RAD23B: variants seen among roughly 807,000 people sequenced by gnomAD.
The protein encoded by RAD23B is RAD23 nucleotide excision repair protein B, also known as lysine-specific demethylase RAD23B.
Under a neutral mutation model 49.1 loss-of-function variants are expected in RAD23B, and 5 were observed. The observed-to-expected ratio is 0.10, with a 90% CI of 0.05 to 0.21. The LOEUF (loss-of-function observed/expected upper bound fraction) is 0.21. Among genes scored for constraint, RAD23B ranks in the 10% least tolerant of loss-of-function variants. RAD23B has a pLI of 1.00. For synonymous variants in RAD23B, 184 were observed against 165.4 expected, an observed-to-expected ratio of 1.11 and a Z score of -0.86; for missense variants, 356 against 486.7, an observed-to-expected ratio of 0.73 and a Z score of 2.53.
chr9:107,328,095 A>G (rs564763223), intron 9 of RAD23B, among the ~76,000 whole-genome samples: 1 of 152,282 alleles, frequency 6.6e-6, no homozygotes, highest in African/African-American at 2.4e-5. Context: ...TGTGTTTTGT[A>G]GAAGCAGGCA....
At chr9:107,311,127 A>G (rs1826879838) in intron 4 of RAD23B, among the ~76,000 whole-genome samples, 1 of 152,078 alleles carries the variant, frequency 6.6e-6, no homozygotes, top group Admixed American at 6.5e-5. Flanking sequence ...CTTTAAACTG[A>G]TTTTCATTAC....
rs1001421878 is a variant in RAD23B at position 107,301,958 on chromosome 9, G to A, written c.149-77G>A. The A allele has an allele frequency of 2.2e-5, 33 of 1,527,620 alleles. 1 individual carries two copies. The highest frequency in any genetic ancestry group is 1.4e-4 in the African/African-American group (10 of 71,102). The allele number at this position is 1,527,620 out of a possible 1,614,324, so 94.6% of individuals were successfully genotyped here. A position where few individuals can be genotyped will look rare whatever the true frequency, so the allele number is the denominator to read the frequency against. On this transcript the variant is annotated intron_variant, in intron 2 of 9. Transcript: ENST00000358015. ...AATATTTCTGAAATATTCATATTTC[G>A]AGTAGAAAGTTGTTTTAACTGAAGT...
chr9:107,322,414 C>G (rs1827128464), intron 7 of RAD23B, among the ~76,000 whole-genome samples: 1 of 152,192 alleles, frequency 6.6e-6, no homozygotes, highest in African/African-American at 2.4e-5. Flanking sequence ...CTTTCTGATG[C>G]CATTCAGAAT....
In RAD23B at chr9:107,317,095, C is replaced by CGT. The variant is rs10603112; in HGVS notation, c.554-1632_554-1631dup. 1.9e-3 allele frequency among the ~76,000 whole-genome samples: 281 copies of CGT among 150,022 alleles called. 2 individuals are homozygous for CGT. The highest frequency in any genetic ancestry group is 6.7e-3 in the South Asian group (32 of 4,760). ...ATGAGGGGTTTTGCGCACACGCGTG[C>CGT]GTGTGTGTGTGTGTGTGTGTGTGTG... On this transcript the variant is annotated intron_variant, in intron 5 of 9. Coordinates refer to ENST00000358015, the MANE Select transcript of RAD23B (RefSeq NM_002874.5).
intron 9 of RAD23B, among the ~76,000 whole-genome samples, chr9:107,326,860 C>T (rs908262853): frequency 1.2e-4 from 18 of 151,674 alleles, no homozygotes; most frequent in African/African-American, 3.2e-4. Context: ...GGGATGGTCT[C>T]GATCTCATGA....
At chr9:107,287,709 C>T (rs1217221367) in intron 1 of RAD23B, among the ~76,000 whole-genome samples, 4 of 151,814 alleles carry the variant, frequency 2.6e-5, no homozygotes, top group East Asian at 3.9e-4. Flanking sequence ...TGGTGCATGC[C>T]TGTAATCCCA....
Position 107,331,701 on chromosome 9 carries a change from A to C in RAD23B, c.*2045A>C, listed in dbSNP as rs76190394. On this transcript the variant is annotated 3_prime_UTR_variant, in exon 10 of 10. Coordinates refer to ENST00000358015, the MANE Select transcript of RAD23B (RefSeq NM_002874.5). ...TGAAAACTGGAAACAAAAAAAAAAAACAGCCTCTTCTTGGAAAGTGACAGC... is the reference window on the plus strand; with the variant it reads ...TGAAAACTGGAAACAAAAAAAAAAACCAGCCTCTTCTTGGAAAGTGACAGC... 4.2e-5 allele frequency: 32 copies of C among 770,732 alleles called. No individual in the cohort carries two copies. Among genetic ancestry groups the C allele is most frequent in the South Asian group, 1.6e-4 (12 of 73,492 alleles). The allele number at this position is 770,732 out of a possible 1,614,324, so 47.7% of individuals were successfully genotyped here. A position where few individuals can be genotyped will look rare whatever the true frequency, so the allele number is the denominator to read the frequency against.
intron 1 of RAD23B, among the ~76,000 whole-genome samples, chr9:107,296,122 G>A (rs185977271): frequency 2.0e-4 from 31 of 152,276 alleles, no homozygotes; most frequent in African/African-American, 7.5e-4. Flanking sequence ...GTATAGATTG[G>A]ATTGTAAGTA....
chr9:107,322,107 C>G lies in RAD23B; in HGVS notation c.806C>G (p.Thr269Arg), dbSNP rs56157506. 4.6e-4 allele frequency: 739 copies of G among 1,606,670 alleles called. 4 individuals carry two copies. In the African/African-American group the frequency reaches 8.6e-3, roughly 19 times the overall value. Residue 269 changes from threonine (T) to arginine (R), a missense_variant, in exon 7 of 10, where the codon ACA becomes AGA. This residue lies in a region of RAD23B where 148 missense variants were observed against 231.7 expected (regional missense o/e 0.64). Transcript: ENST00000358015. ...ACTACGACAGCAACAACTACAACAA[C>G]AAGTTCTGGAGGTAAAGCGGAATCT... ...AATTTATTTT[T>R]SSGGHPLEFL...
At chr9:107,324,355 A>G (rs1827162212) in intron 8 of RAD23B, among the ~76,000 whole-genome samples, 1 of 152,190 alleles carries the variant, frequency 6.6e-6, no homozygotes, top group African/African-American at 2.4e-5. Flanking sequence ...TCACAAGCTT[A>G]TTACTCAGTT....
At chr9:107,317,084 G>A (rs947394558) in intron 5 of RAD23B, among the ~76,000 whole-genome samples, 4 of 85,790 alleles carry the variant, frequency 4.7e-5, no homozygotes, top group African/African-American at 1.8e-4. Flanking sequence ...GGGGTTTTGC[G>A]CACACGCGTG....
chr9:107,319,050 T>A (rs10113916), intron 6 of RAD23B, among the ~76,000 whole-genome samples, 171 bp downstream of exon 6: 23,719 of 151,840 alleles, frequency 0.16, 2,336 homozygotes, highest in Admixed American at 0.23. Flanking sequence ...TAACCTTTTT[T>A]AATCTAATGG....
chr9:107,315,487 CA>C (rs1368926227), intron 5 of RAD23B, among the ~76,000 whole-genome samples: 1 of 151,978 alleles, frequency 6.6e-6, no homozygotes, highest in Non-Finnish European at 1.5e-5. Flanking sequence ...GTTTCTTGGC[CA>C]GTCTCTCTCG....
rs1230933736 is a variant in RAD23B, at chr9:107,330,936, T to A, written c.*1280T>A. On this transcript the variant is annotated 3_prime_UTR_variant, in exon 10 of 10. Coordinates refer to ENST00000358015, the MANE Select transcript of RAD23B (RefSeq NM_002874.5). The surrounding 1 kb of genome is among the most constrained non-coding windows in gnomAD (Gnocchi z 4.4). ...GATTTTTTCATCTCAGTTTTTTCTG[T>A]GGAATCTCCTTCATTGGCATTGTTA... 6.6e-6 allele frequency: 1 copy of A among 152,658 alleles called. No individual in the cohort carries two copies. Among genetic ancestry groups the A allele is most frequent in the Non-Finnish European group, 1.5e-5 (1 of 68,046 alleles). The allele number at this position is 152,658 out of a possible 1,614,324, so 9.5% of individuals were successfully genotyped here. A position where few individuals can be genotyped will look rare whatever the true frequency, so the allele number is the denominator to read the frequency against.
At chr9:107,298,288 CTT>C (rs961200160) in intron 1 of RAD23B, among the ~76,000 whole-genome samples, 14 of 151,928 alleles carry the variant, frequency 9.2e-5, no homozygotes, top group African/African-American at 1.2e-4. Context: ...TCCAAAATAA[CTT>C]TTGTCGATAT....
intron 4 of RAD23B, among the ~76,000 whole-genome samples, chr9:107,310,787 T>C (rs1814042495): frequency 1.3e-5 from 2 of 152,130 alleles, no homozygotes; most frequent in South Asian, 4.2e-4. Flanking sequence ...CCACAACACT[T>C]TGGAGTATAT....
At position 107,318,416 on chromosome 9, in the gene RAD23B, T is replaced by TA. The variant is rs1827037475; in HGVS notation, c.554-335dup. ...TCTGACCCTCTCATCTGCCTCCTCC[T>TA]ACTACTATTAAGGATTCATGTCATT... On this transcript the variant is annotated intron_variant, in intron 5 of 9. Transcript: ENST00000358015. The surrounding 1 kb of genome is among the most constrained non-coding windows in gnomAD (Gnocchi z 4.3). 2.0e-5 allele frequency among the ~76,000 whole-genome samples: 3 copies of TA among 152,218 alleles called. No homozygotes were observed. Among genetic ancestry groups the TA allele is most frequent in the Admixed American group, 2.0e-4 (3 of 15,276 alleles).
chr9:107,313,268 C>A (rs1212466260), intron 5 of RAD23B, among the ~76,000 whole-genome samples: 1 of 151,998 alleles, frequency 6.6e-6, no homozygotes, highest in East Asian at 1.9e-4. Context: ...CTCTGTCGCC[C>A]AGGCTGGAGT....
intron 3 of RAD23B, among the ~76,000 whole-genome samples, chr9:107,304,768 T>G (rs780922599): frequency 1.3e-5 from 2 of 152,160 alleles, no homozygotes; most frequent in Non-Finnish European, 2.9e-5. Flanking sequence ...AAATCATGTA[T>G]GATTTTTACA....
Sources: gnomAD v4.1 joint callset for allele counts (sites outside exome capture counted in the v4.1 genomes callset) on GRCh38, gnomAD v4.1.1 for gene constraint, gnomAD v4.1.1 regional missense constraint, Gnocchi (gnomAD v3.1) non-coding constraint, MANE v1.5 for transcripts, NCBI Gene and HGNC (gene_info 2026-07-23, HGNC 2026-07-21) for gene names.